The following LRGUK variants were observed in gnomAD, a reference collection of about 807,000 sequenced individuals.
The protein encoded by LRGUK is leucine-rich repeat and guanylate kinase domain-containing protein.
LRGUK carries 65 observed loss-of-function variants against 76.0 expected under a neutral mutation model. The ratio of observed to expected loss-of-function variants is 0.85; its 90% confidence interval spans 0.70 to 1.05. LRGUK has a LOEUF of 1.05. LRGUK is among the 50% of genes least tolerant of loss of function. The pLI is 0.00. For synonymous variants in LRGUK, 268 were observed against 265.6 expected (o/e 1.01, Z -0.09); for missense variants, 758 against 732.8 (o/e 1.03, Z -0.40).
chr7:134,163,360 G>A lies in LRGUK; in HGVS notation c.796-37G>A, dbSNP rs750427470. 6 of 1,573,376 alleles carry A rather than the reference G, an allele frequency of 3.8e-6. No homozygotes were observed. The East Asian group carries it at 9.0e-5, about 24-fold the overall frequency. On this transcript the variant is annotated intron_variant, in intron 6 of 15. Transcript: ENST00000645682. ...TGCCATTACAACTTTTCCTTGAGAG[G>A]TCTTTGAGACATTAAATATATTTTT... is the stretch of plus-strand genomic sequence containing the variant.
At chr7:134,149,249 G>C (rs1215335280) in intron 5 of LRGUK, among the ~76,000 whole-genome samples, 1 of 152,166 alleles carries the variant, frequency 6.6e-6, no homozygotes, top group Non-Finnish European at 1.5e-5. Context: ...AGATCTGTGA[G>C]TTTAATGAGC....
intron 11 of LRGUK, among the ~76,000 whole-genome samples, chr7:134,191,201 A>G (rs775633910): frequency 1.8e-4 from 27 of 152,176 alleles, no homozygotes; most frequent in Non-Finnish European, 3.7e-4. Flanking sequence ...TAATCCAGCC[A>G]TAGAGGTCAG....
rs535879251 is a variant in LRGUK, at chr7:134,143,548, T to C, written c.588+386T>C. On this transcript the variant is annotated intron_variant, in intron 4 of 15. Transcript: ENST00000645682. ...TGCATTTTATTGTGTATATTTCAGA[T>C]GTACAGCATGATGTTATGGGACATA... 1.5e-4 allele frequency among the ~76,000 whole-genome samples: 23 copies of C among 152,378 alleles called. No individual in the cohort carries two copies. In the South Asian group the frequency reaches 4.4e-3, roughly 29 times the overall value.
chr7:134,165,132 G>A (rs1056229882), intron 7 of LRGUK, among the ~76,000 whole-genome samples: 2 of 152,076 alleles, frequency 1.3e-5, no homozygotes, highest in Non-Finnish European at 2.9e-5. Flanking sequence ...TTTAGGAAAA[G>A]GAGTAACAAT....
chr7:134,241,196 G>T (rs527894634), intron 16 of LRGUK, among the ~76,000 whole-genome samples: 1 of 152,054 alleles, frequency 6.6e-6, no homozygotes, highest in African/African-American at 2.4e-5. Flanking sequence ...AAATTCACAC[G>T]TAACAATATT....
chr7:134,249,725 C>T (rs148025622), intron 18 of LRGUK, among the ~76,000 whole-genome samples: 98 of 152,258 alleles, frequency 6.4e-4, no homozygotes, highest in East Asian at 1.2e-3. Context: ...AAAATGTTTA[C>T]GCTGAGGGTC....
intron 7 of LRGUK, among the ~76,000 whole-genome samples, chr7:134,172,168 T>G (rs191926569): frequency 3.4e-4 from 52 of 152,340 alleles, no homozygotes; most frequent in Non-Finnish European, 6.2e-4. Context: ...AATATCACTA[T>G]CTTCTAAAAT....
chr7:134,184,811 A>C (rs191374354), intron 11 of LRGUK, among the ~76,000 whole-genome samples: 1 of 152,344 alleles, frequency 6.6e-6, no homozygotes, highest in African/African-American at 2.4e-5. Context: ...TCTCAGCCCA[A>C]ATCACCCTCC....
chr7:134,219,448 GA>G (rs2117149044), intron 15 of LRGUK, among the ~76,000 whole-genome samples: 1 of 152,230 alleles, frequency 6.6e-6, no homozygotes, highest in South Asian at 2.1e-4. Context: ...TAGAAAACTG[GA>G]AAAAGGAACC....
intron 5 of LRGUK, among the ~76,000 whole-genome samples, chr7:134,156,286 T>C (rs569105302): frequency 1.2e-3 from 190 of 152,352 alleles, no homozygotes; most frequent in African/African-American, 4.1e-3. Flanking sequence ...GGTTGTTTTT[T>C]TTTCTATTGA....
At chr7:134,177,137 G>A in intron 9 of LRGUK, 74 bp downstream of exon 9, 1 of 805,734 alleles carries the variant, frequency 1.2e-6, no homozygotes, top group Non-Finnish European at 2.0e-6. Context: ...TGCCTGCTGT[G>A]GAAGCAATAT....
rs747450832 is a variant in LRGUK, at chr7:134,258,410, GAGTT to G, written c.2347+8_2347+11del. On this transcript the variant is annotated splice_donor_region_variant and intron_variant, in intron 19 of 19. Transcript: ENST00000285928. ...AGACCGAAGAGACCCGGAAAGGTAT[GAGTT>G]AGGCCAAGCGCGGTGGCTCATGCCT... 9 of 1,613,312 alleles carry G rather than the reference GAGTT, an allele frequency of 5.6e-6. No homozygotes were observed. The highest frequency in any genetic ancestry group is 7.6e-6 in the Non-Finnish European group (9 of 1,179,568).
At chr7:134,211,063 C>T (rs868177298), downstream of LRGUK, among the ~76,000 whole-genome samples, 1 of 152,246 alleles carries the variant, frequency 6.6e-6, no homozygotes, top group Admixed American at 6.5e-5. Flanking sequence ...TGAGTCTCCA[C>T]ACTGGCTTCC....
chr7:134,258,356 A>T (rs1233764562), exon 19 of LRGUK: 3 of 1,613,928 alleles, frequency 1.9e-6, no homozygotes, highest in Non-Finnish European at 2.5e-6. Context: ...GCATTTCTTC[A>T]CACCTAGGAT....
At chr7:134,141,120 C>A (rs1273173154) in intron 3 of LRGUK, among the ~76,000 whole-genome samples, 1 of 152,216 alleles carries the variant, frequency 6.6e-6, no homozygotes, top group Non-Finnish European at 1.5e-5. Flanking sequence ...AAGCCTTTCT[C>A]TTCAGCCCGA....
chr7:134,177,573 T>C (rs1167530632), intron 9 of LRGUK, among the ~76,000 whole-genome samples: 1 of 152,206 alleles, frequency 6.6e-6, no homozygotes, highest in Non-Finnish European at 1.5e-5. Flanking sequence ...AACCAGAACT[T>C]GAATGCTAGC....
chr7:134,129,714 A>G (rs988490636), intron 1 of LRGUK, among the ~76,000 whole-genome samples: 2 of 151,588 alleles, frequency 1.3e-5, no homozygotes, highest in Non-Finnish European at 2.9e-5. Flanking sequence ...GGCTCAAGAA[A>G]TCAGGCCACC....
intron 6 of LRGUK, among the ~76,000 whole-genome samples, chr7:134,162,879 A>G (rs1166887564): frequency 6.6e-6 from 1 of 150,696 alleles, no homozygotes; most frequent in Non-Finnish European, 1.5e-5. Context: ...CAAGGGCAGG[A>G]ATAACTGGGG....
intron 11 of LRGUK, among the ~76,000 whole-genome samples, chr7:134,190,776 C>A (rs1800173977): frequency 7.3e-6 from 1 of 137,724 alleles, no homozygotes; most frequent in Non-Finnish European, 1.6e-5. Context: ...TACTATGTGC[C>A]AAGCATTGGG....
Sources: allele counts gnomAD v4.1 joint callset (sites outside exome capture counted in the v4.1 genomes callset), GRCh38; gene constraint gnomAD v4.1.1; transcripts MANE v1.5; gene names NCBI Gene and HGNC (gene_info 2026-07-23, HGNC 2026-07-21).